NR6A1: variants seen among roughly 807,000 people sequenced by gnomAD.
The protein encoded by NR6A1 is nuclear receptor subfamily 6 group A member 1.
A neutral mutation model predicts 59.1 loss-of-function variants in NR6A1; 7 were observed. The ratio of observed to expected loss-of-function variants is 0.12; its 90% CI spans 0.07 to 0.22. The LOEUF (loss-of-function observed/expected upper bound fraction) is 0.22, where lower values mean the gene tolerates loss of function less well. Ranked by LOEUF, NR6A1 falls within the 10% of genes least tolerant of loss-of-function variation. The pLI, the probability that NR6A1 is intolerant of heterozygous loss-of-function variation, is 1.00. For synonymous variants in NR6A1, 243 were observed against 236.1 expected, an observed-to-expected ratio of 1.03 and a Z score of -0.27; for missense variants, 468 against 611.6, an observed-to-expected ratio of 0.77 and a Z score of 2.48.
At chr9:124,648,478 A>G (rs1419677495) in intron 2 of NR6A1, among the ~76,000 whole-genome samples, 1 of 152,248 alleles carries the variant, frequency 6.6e-6, no homozygotes, top group Non-Finnish European at 1.5e-5. Flanking sequence ...AAGACCACAT[A>G]TCCATGACAA....
At chr9:124,635,798 G>A (rs1260557817) in intron 2 of NR6A1, among the ~76,000 whole-genome samples, 1 of 152,028 alleles carries the variant, frequency 6.6e-6, no homozygotes, top group East Asian at 1.9e-4. Context: ...CCCATGTTTT[G>A]GCAATTATGA....
At chr9:124,577,504 G>C (rs1171204275) in intron 2 of NR6A1, among the ~76,000 whole-genome samples, 2 of 152,136 alleles carry the variant, frequency 1.3e-5, no homozygotes, top group African/African-American at 4.8e-5. Context: ...CTGGATTATG[G>C]AGCCATTAAA....
intron 7 of NR6A1, 92 bp downstream of exon 7, chr9:124,535,786 T>C (rs1049327366): frequency 1.8e-5 from 26 of 1,485,028 alleles, no homozygotes; most frequent in South Asian, 8.8e-5. Context: ...TGAGGTGTAG[T>C]GCCTATCCTC....
chr9:124,659,532 G>C lies in NR6A1; in HGVS notation c.142+73776C>G, dbSNP rs191960585. Among the ~76,000 whole-genome samples the C allele has an allele frequency of 6.1e-4, 93 of 152,280 alleles. No homozygotes were observed. The East Asian group carries it at 0.016, about 27-fold the overall frequency. ...ATGCAGAGGGTGTGGAAATTTTTTA[G>C]TGATCTGGAATGTGTTGAGTGACAG... On this transcript the variant is annotated intron_variant, in intron 2 of 9. Transcript: ENST00000487099.
intron 2 of NR6A1, among the ~76,000 whole-genome samples, chr9:124,608,608 G>A (rs930796822): frequency 9.2e-5 from 14 of 152,188 alleles, no homozygotes; most frequent in African/African-American, 2.9e-4. Flanking sequence ...GAACAAATGT[G>A]TGCATGTAAC....
At chr9:124,674,613 T>C (rs548897727) in intron 2 of NR6A1, among the ~76,000 whole-genome samples, 1 of 152,278 alleles carries the variant, frequency 6.6e-6, no homozygotes, top group Admixed American at 6.5e-5. Context: ...ATTATCTTAA[T>C]AACAGAGGTA....
intron 2 of NR6A1, among the ~76,000 whole-genome samples, chr9:124,568,169 C>CAAA (rs34652433): frequency 0.054 from 1,655 of 30,414 alleles, 270 homozygotes; most frequent in African/African-American, 0.098. Flanking sequence ...TACTTCATCT[C>CAAA]AAAAAAAAAA....
At chr9:124,653,022 A>T (rs1021598628) in intron 2 of NR6A1, among the ~76,000 whole-genome samples, 1 of 152,198 alleles carries the variant, frequency 6.6e-6, no homozygotes, top group Non-Finnish European at 1.5e-5. Flanking sequence ...CATTTTGTAT[A>T]ATCATTATTA....
At chr9:124,589,929 G>A (rs1393438279) in intron 2 of NR6A1, among the ~76,000 whole-genome samples, 2 of 151,876 alleles carry the variant, frequency 1.3e-5, no homozygotes, top group South Asian at 2.1e-4. Flanking sequence ...GCTGGGCGTG[G>A]TGGCGCATGC....
intron 2 of NR6A1, among the ~76,000 whole-genome samples, chr9:124,732,454 T>C (rs1839911457): frequency 6.6e-6 from 1 of 152,198 alleles, no homozygotes; most frequent in African/African-American, 2.4e-5. Flanking sequence ...GAAATGCAAA[T>C]GATTATCTAT....
At chr9:124,737,560 T>C (rs935127722) in intron 1 of NR6A1, among the ~76,000 whole-genome samples, 2 of 152,110 alleles carry the variant, frequency 1.3e-5, no homozygotes, top group African/African-American at 4.8e-5. Context: ...GCAATCAGAG[T>C]TGTTCAGCAG....
chr9:124,530,208 CG>C (rs541306234), intron 7 of NR6A1, among the ~76,000 whole-genome samples: 33 of 152,088 alleles, frequency 2.2e-4, no homozygotes, highest in African/African-American at 6.0e-4. Flanking sequence ...CTTTCTCTTG[CG>C]GACAGCACAT....
intron 2 of NR6A1, among the ~76,000 whole-genome samples, chr9:124,668,020 C>T (rs763946742): frequency 6.6e-6 from 1 of 152,106 alleles, no homozygotes; most frequent in Admixed American, 6.5e-5. Context: ...GGACCAACCT[C>T]CCATGCAGTC....
intron 7 of NR6A1, among the ~76,000 whole-genome samples, chr9:124,528,595 G>A (rs1833008915): frequency 6.6e-6 from 1 of 151,900 alleles, no homozygotes; most frequent in Non-Finnish European, 1.5e-5. Flanking sequence ...CAGCTACTCG[G>A]GAGGCTGAGG....
intron 2 of NR6A1, among the ~76,000 whole-genome samples, chr9:124,587,775 G>C (rs955457061): frequency 6.6e-6 from 1 of 152,160 alleles, no homozygotes; most frequent in African/African-American, 2.4e-5. Context: ...TCAACAATGC[G>C]AATGAGCACT....
chr9:124,674,252 C>T (rs1837885818), intron 2 of NR6A1, among the ~76,000 whole-genome samples: 1 of 152,136 alleles, frequency 6.6e-6, no homozygotes, highest in South Asian at 2.1e-4. Flanking sequence ...CATACAATGC[C>T]TAGGTACACA....
intron 2 of NR6A1, among the ~76,000 whole-genome samples, chr9:124,654,831 T>TA (rs1837204820): frequency 6.6e-6 from 1 of 151,316 alleles, no homozygotes; most frequent in South Asian, 2.1e-4. Flanking sequence ...TTGTTCCTGA[T>TA]ACCTAGATAC....
chr9:124,583,595 A>G lies in NR6A1; in HGVS notation c.143-29025T>C, dbSNP rs552272454. Among the ~76,000 whole-genome samples, 58 of 152,314 alleles carry G rather than the reference A, an allele frequency of 3.8e-4. 1 individual carries two copies. Among genetic ancestry groups the G allele is most frequent in the African/African-American group, 1.3e-3 (54 of 41,578 alleles). On this transcript the variant is annotated intron_variant, in intron 2 of 9. Coordinates refer to ENST00000487099, the MANE Select transcript of NR6A1 (RefSeq NM_033334.4). Reference sequence around the variant, plus strand: ...GGGCAGGGGCATCCACTCACAGATCAAAGTTCTCTCTAGGGTTTCCCTTGT... The same window carrying G: ...GGGCAGGGGCATCCACTCACAGATCGAAGTTCTCTCTAGGGTTTCCCTTGT...
chr9:124,549,385 C>T lies in NR6A1; in HGVS notation c.385+4943G>A, dbSNP rs559411868. Reference sequence around the variant, plus strand: ...GGGATCAGGTGGCTGATGCCAGTGTCAGAGGGGCCTTGAAAATCACCTTAA... The same window carrying T: ...GGGATCAGGTGGCTGATGCCAGTGTTAGAGGGGCCTTGAAAATCACCTTAA... On this transcript the variant is annotated intron_variant, in intron 3 of 9. Transcript: ENST00000487099. Among the ~76,000 whole-genome samples, 3 of 152,312 alleles carry T rather than the reference C, an allele frequency of 2.0e-5. No individual in the cohort carries two copies. In the South Asian group the frequency reaches 6.2e-4, roughly 32 times the overall value.
Sources: gnomAD v4.1 joint callset for allele counts (sites outside exome capture counted in the v4.1 genomes callset) on GRCh38, gnomAD v4.1.1 for gene constraint, MANE v1.5 for transcripts, NCBI Gene and HGNC (gene_info 2026-07-23, HGNC 2026-07-21) for gene names.